The following TAB2 variants were observed in gnomAD, a reference collection of about 807,000 sequenced individuals.
TAB2 encodes TGF-beta-activated kinase 1 and MAP3K7-binding protein 2.
In TAB2, 3 loss-of-function variants were observed where a neutral mutation model predicts 65.0. That is an observed-to-expected ratio of 0.05 (90% CI 0.02 to 0.12). TAB2 has a LOEUF of 0.12. TAB2 is among the 10% of genes least tolerant of loss of function. TAB2 has a pLI of 1.00. For missense variants in TAB2, 623 were observed against 840.3 expected, an observed-to-expected ratio of 0.74 and a Z score of 3.20; for synonymous variants, 298 against 285.1, an observed-to-expected ratio of 1.05 and a Z score of -0.46.
chr6:149,406,741 A>G (rs149665369), intron 6 of TAB2, among the ~76,000 whole-genome samples: 2,990 of 152,046 alleles, frequency 0.02, 89 homozygotes, highest in African/African-American at 0.067. Context: ...TTTTTGAGAC[A>G]GAGTTTCGCT....
intron 1 of TAB2, among the ~76,000 whole-genome samples, chr6:149,224,903 T>C (rs916686883): frequency 6.6e-6 from 1 of 152,228 alleles, no homozygotes; most frequent in Non-Finnish European, 1.5e-5. Context: ...GCCAGTGTAA[T>C]TGATAGCATA....
At chr6:149,269,736 T>C (rs190335164) in intron 1 of TAB2, among the ~76,000 whole-genome samples, 1 of 152,368 alleles carries the variant, frequency 6.6e-6, no homozygotes, top group African/African-American at 2.4e-5. Context: ...TCACTTGGTA[T>C]ATATGAGATA....
intron 1 of TAB2, among the ~76,000 whole-genome samples, chr6:149,334,777 T>C (rs1030210370): frequency 1.3e-5 from 2 of 152,046 alleles, no homozygotes. Context: ...AACAAGGACA[T>C]TGTGGTGGAA....
At chr6:149,351,250 G>A (rs1780480718) in intron 1 of TAB2, among the ~76,000 whole-genome samples, 1 of 152,152 alleles carries the variant, frequency 6.6e-6, no homozygotes, top group Admixed American at 6.6e-5. Flanking sequence ...CCAACTGCAA[G>A]TTTTTTGTCC....
intron 1 of TAB2, among the ~76,000 whole-genome samples, chr6:149,294,734 T>C (rs1423173879): frequency 6.6e-6 from 1 of 152,318 alleles, no homozygotes; most frequent in East Asian, 1.9e-4. Flanking sequence ...TATCATTAAA[T>C]TGAATGCCAT....
intron 1 of TAB2, among the ~76,000 whole-genome samples, chr6:149,354,130 C>G (rs909179904): frequency 6.6e-6 from 1 of 152,150 alleles, no homozygotes. Flanking sequence ...TCTAATTGGT[C>G]CCAGCTTCTG....
intron 6 of TAB2, chr6:149,400,512 A>G: frequency 6.2e-7 from 1 of 1,614,282 alleles, no homozygotes; most frequent in East Asian, 2.2e-5. Context: ...GACACCACTT[A>G]GTAAACTAAT....
At chr6:149,230,990 T>G (rs776491547) in intron 1 of TAB2, among the ~76,000 whole-genome samples, 1 of 152,236 alleles carries the variant, frequency 6.6e-6, no homozygotes, top group Non-Finnish European at 1.5e-5. Flanking sequence ...GGGTAGGAAT[T>G]GGACAAGCTC....
chr6:149,297,812 T>A (rs1304980063), intron 1 of TAB2, among the ~76,000 whole-genome samples: 1 of 152,160 alleles, frequency 6.6e-6, no homozygotes, highest in Non-Finnish European at 1.5e-5. Context: ...GGATTACAAG[T>A]GTGAGCTACT....
chr6:149,331,565 A>G (rs1030395323), intron 1 of TAB2, among the ~76,000 whole-genome samples: 6 of 152,084 alleles, frequency 3.9e-5, no homozygotes, highest in Non-Finnish European at 5.9e-5. Flanking sequence ...GCTACTTGCA[A>G]TGCTGTTTCA....
Position 149,369,905 on chromosome 6 carries a change from A to T in TAB2, c.-89-4A>T. 3 of 1,146,890 alleles carry T rather than the reference A, an allele frequency of 2.6e-6. No individual in the cohort carries two copies. Among genetic ancestry groups the T allele is most frequent in the East Asian group, 2.3e-5 (1 of 42,674 alleles). 71.0% of individuals were successfully genotyped at this position (1,146,890 alleles called of 1,614,324 possible). A position where few individuals can be genotyped will look rare whatever the true frequency, so the allele number is the denominator to read the frequency against. On this transcript the variant is annotated splice_region_variant and splice_polypyrimidine_tract_variant and intron_variant, in intron 1 of 6. Coordinates refer to ENST00000637181, the MANE Select transcript of TAB2 (RefSeq NM_001292034.3). Reference sequence around the variant, plus strand: ...CATTAAAATTTTTTTTCTTTCTTTCACAGAAAATGCTTGGACAGAAGAGAT... The same window carrying T: ...CATTAAAATTTTTTTTCTTTCTTTCTCAGAAAATGCTTGGACAGAAGAGAT...
At chr6:149,302,994 A>T (rs899052726) in intron 1 of TAB2, among the ~76,000 whole-genome samples, 1 of 152,174 alleles carries the variant, frequency 6.6e-6, no homozygotes, top group Non-Finnish European at 1.5e-5. Flanking sequence ...TTCTTATAGG[A>T]GCACGAACCC....
intron 1 of TAB2, among the ~76,000 whole-genome samples, chr6:149,226,545 T>C (rs1777281884): frequency 6.6e-6 from 1 of 152,240 alleles, no homozygotes; most frequent in Non-Finnish European, 1.5e-5. Flanking sequence ...TAATATTTTC[T>C]TCCTTTCCCT....
intron 1 of TAB2, among the ~76,000 whole-genome samples, chr6:149,269,346 T>A (rs1778319685): frequency 1.3e-5 from 2 of 152,238 alleles, no homozygotes; most frequent in African/African-American, 2.4e-5. Context: ...TGCTATGAAT[T>A]ATGTGTATGT....
intron 1 of TAB2, among the ~76,000 whole-genome samples, chr6:149,350,650 A>G (rs1489242398): frequency 8.2e-6 from 1 of 121,300 alleles, no homozygotes; most frequent in African/African-American, 3.2e-5. Flanking sequence ...TTAAGAGCTC[A>G]GTCACCCAGG....
intron 2 of TAB2, chr6:149,372,300 A>G: frequency 6.6e-6 from 1 of 152,236 alleles, no homozygotes; most frequent in Non-Finnish European, 1.5e-5. Flanking sequence ...ATATTTACAC[A>G]TCCATGTATT....
chr6:149,371,481 T>C (rs946096406), intron 2 of TAB2, among the ~76,000 whole-genome samples: 1 of 152,216 alleles, frequency 6.6e-6, no homozygotes, highest in African/African-American at 2.4e-5. Context: ...CATGGAATTC[T>C]CCCACCAGCA....
intron 1 of TAB2, among the ~76,000 whole-genome samples, chr6:149,223,660 A>G (rs1238015530): frequency 6.6e-6 from 1 of 152,172 alleles, no homozygotes; most frequent in African/African-American, 2.4e-5. Flanking sequence ...ACCGTTTTAG[A>G]GAGTTCTCAT....
upstream of TAB2, among the ~76,000 whole-genome samples, chr6:149,315,322 TCAC>T (rs1779230355): frequency 6.6e-6 from 1 of 152,206 alleles, no homozygotes; most frequent in African/African-American, 2.4e-5. Flanking sequence ...TAACCCAGAT[TCAC>T]CACCAAGGTT....
Sources: gnomAD v4.1 joint callset for allele counts (sites outside exome capture counted in the v4.1 genomes callset) on GRCh38, gnomAD v4.1.1 for gene constraint, MANE v1.5 for transcripts, NCBI Gene and HGNC (gene_info 2026-07-23, HGNC 2026-07-21) for gene names.